Variants in DMD observed in about 807,000 individuals in gnomAD.
DMD encodes mutant dystrophin.
In DMD, 63 loss-of-function variants were observed where a neutral mutation model predicts 330.1. That is an observed-to-expected ratio of 0.19 (90% CI 0.16 to 0.24). The LOEUF (loss-of-function observed/expected upper bound fraction) is 0.24. DMD is among the 10% of genes least tolerant of loss of function. The pLI is 1.00. For synonymous variants in DMD, 1,223 were observed against 959.8 expected, an observed-to-expected ratio of 1.27 and a Z score of -5.07; for missense variants, 3,344 against 2,684.1, an observed-to-expected ratio of 1.25 and a Z score of -5.43.
At chrX:31,714,984 T>C (rs2084912564) in intron 52 of DMD, among the ~76,000 whole-genome samples, 1 of 111,149 alleles carries the variant, frequency 9.0e-6, no homozygotes, top group Admixed American at 9.6e-5. Context: ...TTGATATTTA[T>C]TCTACTTCTC....
chrX:32,290,841 A>C (rs913489201), intron 42 of DMD, among the ~76,000 whole-genome samples: 1 of 112,315 alleles, frequency 8.9e-6, no homozygotes, highest in Middle Eastern at 4.6e-3. Context: ...TAGAAGCCTT[A>C]GCTGGATGAG....
intron 43 of DMD, among the ~76,000 whole-genome samples, chrX:32,265,698 C>CA (rs1293949999): frequency 8.9e-6 from 1 of 112,569 alleles, no homozygotes; most frequent in African/African-American, 3.2e-5. Flanking sequence ...GACACAGAGT[C>CA]AAAGGAGATT....
chrX:33,319,988 C>T (rs1322521457), intron 1 of DMD, among the ~76,000 whole-genome samples: 1 of 111,374 alleles, frequency 9.0e-6, no homozygotes, highest in Non-Finnish European at 1.9e-5. Context: ...GGTGAGAGGT[C>T]AGTTAGATGA....
At chrX:32,632,723 C>T (rs1027955310) in intron 11 of DMD, among the ~76,000 whole-genome samples, 8 of 80,822 alleles carry the variant, frequency 9.9e-5, no homozygotes, top group African/African-American at 1.5e-4. Flanking sequence ...GTGGCCAGGA[C>T]GCTGGGTGCG....
intron 2 of DMD, among the ~76,000 whole-genome samples, chrX:32,979,404 A>G (rs1033922878): frequency 1.8e-5 from 2 of 112,194 alleles, no homozygotes; most frequent in Non-Finnish European, 3.8e-5. Flanking sequence ...TTATCTAGGC[A>G]ATTGTATTTA....
intron 1 of DMD, among the ~76,000 whole-genome samples, chrX:33,052,308 A>T (rs995768266): frequency 8.9e-6 from 1 of 111,962 alleles, no homozygotes; most frequent in African/African-American, 3.2e-5. Flanking sequence ...CAACATACAA[A>T]TGGCTGTTAA....
intron 60 of DMD, among the ~76,000 whole-genome samples, chrX:31,354,240 A>C (rs186455539): frequency 2.0e-4 from 22 of 112,173 alleles, no homozygotes; most frequent in Admixed American, 1.5e-3. Flanking sequence ...TAGGTGCTAA[A>C]TTAATATTAG....
At chrX:32,882,603 T>C (rs1368568669) in intron 2 of DMD, among the ~76,000 whole-genome samples, 2 of 112,321 alleles carry the variant, frequency 1.8e-5, no homozygotes, top group Admixed American at 1.9e-4. Flanking sequence ...TATACTTCAG[T>C]ACAAGGATAT....
intron 55 of DMD, among the ~76,000 whole-genome samples, chrX:31,558,211 A>T (rs191716781): frequency 1.2e-4 from 13 of 112,061 alleles, no homozygotes; most frequent in Non-Finnish European, 2.1e-4. Flanking sequence ...TTTTTGGTGA[A>T]TACATGATTG....
At chrX:31,553,072 G>A (rs192166706) in intron 55 of DMD, among the ~76,000 whole-genome samples, 5 of 111,547 alleles carry the variant, frequency 4.5e-5, no homozygotes, top group South Asian at 3.8e-4. Context: ...TTCAAGGGCC[G>A]GCAACATCCC....
Position 32,573,533 on chromosome X carries a change from C to A in DMD, c.1809G>T (p.Leu603=). The change falls in exon 15 of 79, where the codon CTG becomes CTT. Residue 603 remains leucine, a synonymous_variant. Transcript: ENST00000357033. ...QNEMLSSLQK[L]AVLKADLEKK... is the part of the protein sequence containing the mutation. ...TTGAAAGCTAGAAAGTACATACGGC[C>A]AGTTTTTGAAGACTTGATAACATTT... 8.3e-7 allele frequency: 1 copy of A among 1,207,333 alleles called. No individual in the cohort carries two copies. Among genetic ancestry groups the A allele is most frequent in the South Asian group, 1.8e-5 (1 of 56,885 alleles).
At chrX:33,011,198 TCA>T (rs1459822843) in intron 2 of DMD, among the ~76,000 whole-genome samples, 1 of 111,358 alleles carries the variant, frequency 9.0e-6, no homozygotes, top group Non-Finnish European at 1.9e-5. Context: ...TTTTAGAGCT[TCA>T]CAGTCTTCAA....
intron 16 of DMD, among the ~76,000 whole-genome samples, chrX:32,548,156 G>T (rs2049162269): frequency 9.0e-6 from 1 of 111,191 alleles, no homozygotes; most frequent in Non-Finnish European, 1.9e-5. Flanking sequence ...AAATTCTAAT[G>T]TTTATTGAAT....
chrX:31,611,428 G>C (rs1171792865), intron 55 of DMD, among the ~76,000 whole-genome samples: 1 of 111,045 alleles, frequency 9.0e-6, no homozygotes, highest in Non-Finnish European at 1.9e-5. Flanking sequence ...AAGATATTTT[G>C]CACTCTCTAA....
intron 7 of DMD, among the ~76,000 whole-genome samples, chrX:32,722,242 G>A (rs2066402987): frequency 9.2e-6 from 1 of 109,254 alleles, no homozygotes; most frequent in Non-Finnish European, 1.9e-5. Flanking sequence ...CTATTTCCAC[G>A]GATGCAACTG....
intron 43 of DMD, among the ~76,000 whole-genome samples, chrX:32,262,220 T>C (rs1167412418): frequency 8.9e-6 from 1 of 111,955 alleles, no homozygotes; most frequent in African/African-American, 3.2e-5. Context: ...AAATGAAAGT[T>C]AGTAGTTTGT....
chrX:31,274,872 T>G (rs1412808224), intron 62 of DMD, among the ~76,000 whole-genome samples: 1 of 111,490 alleles, frequency 9.0e-6, no homozygotes, highest in East Asian at 2.8e-4. Context: ...GAGAATGACA[T>G]GGAAATATAT....
intron 17 of DMD, among the ~76,000 whole-genome samples, chrX:32,536,284 A>AAAAAAG (rs2047972541): frequency 6.8e-5 from 7 of 102,665 alleles, no homozygotes; most frequent in African/African-American, 2.5e-4. Flanking sequence ...AAAAAAAAAA[A>AAAAAAG]AAAACACACA....
chrX:33,159,190 C>T (rs1402785402), intron 1 of DMD: 1 of 112,152 alleles, frequency 8.9e-6, no homozygotes, highest in Non-Finnish European at 1.9e-5. Context: ...TATTTTCCCA[C>T]TTCATAGACA....
Sources: allele counts gnomAD v4.1 joint callset (sites outside exome capture counted in the v4.1 genomes callset), GRCh38; gene constraint gnomAD v4.1.1; transcripts MANE v1.5; gene names NCBI Gene and HGNC (gene_info 2026-07-23, HGNC 2026-07-21).